Variants in ITGA9 observed in about 807,000 individuals in gnomAD.
The protein encoded by ITGA9 is integrin subunit alpha 9, also known as integrin alpha-9.
In ITGA9, 56 loss-of-function variants were observed where a neutral mutation model predicts 127.8. That is an observed-to-expected ratio of 0.44 (90% CI 0.35 to 0.55). The LOEUF is 0.55. Ranked by LOEUF, ITGA9 falls within the 20% of genes least tolerant of loss-of-function variation. The probability of loss-of-function intolerance (pLI) is 0.00; values close to 1 mark genes in which losing one functional copy is unlikely to be tolerated. For synonymous variants in ITGA9, 508 were observed against 514.5 expected, an observed-to-expected ratio of 0.99 and a Z score of 0.17; for missense variants, 1,196 against 1,347.1, an observed-to-expected ratio of 0.89 and a Z score of 1.76.
Position 37,676,419 on chromosome 3 carries a change from G to A in ITGA9, c.1917-7446G>A, listed in dbSNP as rs190266571. ...AACTTCAGAGTTGTCCCACTCAATA[G>A]GCAAGGGAGCTGGGGTAATTATACA... On this transcript the variant is annotated intron_variant, in intron 17 of 27. Coordinates refer to ENST00000264741, the MANE Select transcript of ITGA9 (RefSeq NM_002207.3). 2.8e-4 allele frequency among the ~76,000 whole-genome samples: 43 copies of A among 152,304 alleles called. No homozygotes were observed. In the East Asian group the frequency reaches 7.9e-3, roughly 28 times the overall value.
chr3:37,492,875 T>C (rs1483200391), intron 4 of ITGA9, among the ~76,000 whole-genome samples: 1 of 152,260 alleles, frequency 6.6e-6, no homozygotes, highest in African/African-American at 2.4e-5. Flanking sequence ...TTTGCCGTTG[T>C]GCTATTTGAT....
chr3:37,512,312 C>A (rs1698940422), intron 8 of ITGA9, among the ~76,000 whole-genome samples: 1 of 150,772 alleles, frequency 6.6e-6, no homozygotes, highest in South Asian at 2.1e-4. Context: ...CTCCACCTCC[C>A]AGGTTCAAGC....
intron 9 of ITGA9, among the ~76,000 whole-genome samples, 153 bp downstream of exon 9, chr3:37,514,053 G>A (rs1363318985): frequency 6.6e-6 from 1 of 152,146 alleles, no homozygotes; most frequent in East Asian, 1.9e-4. Context: ...AAGCTCAATG[G>A]CCCATTAATG....
intron 18 of ITGA9, among the ~76,000 whole-genome samples, chr3:37,698,353 T>C (rs1559571097): frequency 6.6e-6 from 1 of 152,244 alleles, no homozygotes; most frequent in South Asian, 2.1e-4. Flanking sequence ...AGATCCCATT[T>C]GTCAATTTTG....
intron 23 of ITGA9, among the ~76,000 whole-genome samples, chr3:37,767,953 T>C (rs1306714284): frequency 6.6e-6 from 1 of 152,202 alleles, no homozygotes; most frequent in Non-Finnish European, 1.5e-5. Context: ...TTATTGCTGT[T>C]TCTCTGGCCT....
intron 20 of ITGA9, among the ~76,000 whole-genome samples, chr3:37,738,698 G>T (rs1696395686): frequency 1.3e-5 from 2 of 152,138 alleles, no homozygotes; most frequent in Admixed American, 1.3e-4. Flanking sequence ...CCATTGTTGG[G>T]CAGACCCATC....
rs539808724 is a variant in ITGA9, at chr3:37,513,990, C to T, written c.1035+90C>T. On this transcript the variant is annotated intron_variant, in intron 9 of 27. Coordinates refer to ENST00000264741, the MANE Select transcript of ITGA9 (RefSeq NM_002207.3). Reference sequence around the variant, plus strand: ...GGCCGAGCACCCCTCTGGGCCGGCACTGGGGGCAATGTTACCCAGAGGAGA... The same window carrying T: ...GGCCGAGCACCCCTCTGGGCCGGCATTGGGGGCAATGTTACCCAGAGGAGA... 2.3e-5 allele frequency: 35 copies of T among 1,494,540 alleles called. 1 individual carries two copies. In the South Asian group the frequency reaches 3.4e-4, roughly 15 times the overall value. 92.6% of individuals were successfully genotyped at this position (1,494,540 alleles called of 1,614,324 possible).
intron 15 of ITGA9, among the ~76,000 whole-genome samples, chr3:37,612,153 G>A (rs1325948011): frequency 6.6e-6 from 1 of 152,146 alleles, no homozygotes; most frequent in Non-Finnish European, 1.5e-5. Flanking sequence ...AAAACCAGAG[G>A]ATGGTCTCTC....
intron 18 of ITGA9, among the ~76,000 whole-genome samples, chr3:37,711,467 A>G (rs1422805601): frequency 6.6e-6 from 1 of 152,170 alleles, no homozygotes; most frequent in East Asian, 1.9e-4. Flanking sequence ...AGGGGAGGAG[A>G]ATCATAGCTC....
intron 18 of ITGA9, among the ~76,000 whole-genome samples, chr3:37,700,654 A>G (rs1700936859): frequency 6.6e-6 from 1 of 152,142 alleles, no homozygotes; most frequent in African/African-American, 2.4e-5. Context: ...CCGGCCTGGA[A>G]TGACTTTTTA....
At chr3:37,595,861 T>G (rs1381489512) in intron 15 of ITGA9, among the ~76,000 whole-genome samples, 2 of 152,188 alleles carry the variant, frequency 1.3e-5, no homozygotes, top group Non-Finnish European at 2.9e-5. Flanking sequence ...CCTCTGTGCC[T>G]AGGCCCGAGA....
Position 37,629,658 on chromosome 3 carries a change from A to G in ITGA9, c.1839+322A>G. ...TTCCTAGACTGTTTTCAGAGCTTAG[A>G]TTGGTGGATAGTAGGTGCTTAATGA... On this transcript the variant is annotated intron_variant, in intron 16 of 27. Coordinates refer to ENST00000264741, the MANE Select transcript of ITGA9 (RefSeq NM_002207.3). The surrounding 1 kb of genome is among the most constrained non-coding windows in gnomAD (Gnocchi z 4.5). The G allele has an allele frequency of 3.4e-6, 2 of 584,276 alleles. No homozygotes were observed. The highest frequency in any genetic ancestry group is 6.1e-6 in the Non-Finnish European group (2 of 328,024). 36.2% of individuals were successfully genotyped at this position (584,276 alleles called of 1,614,324 possible). A position where few individuals can be genotyped will look rare whatever the true frequency, so the allele number is the denominator to read the frequency against.
At chr3:37,518,094 G>A (rs1303829362) in intron 10 of ITGA9, among the ~76,000 whole-genome samples, 1 of 27,954 alleles carries the variant, frequency 3.6e-5, no homozygotes, top group Non-Finnish European at 6.7e-5. Context: ...GAGTGTACGC[G>A]TGTGTGTGTG....
intron 21 of ITGA9, among the ~76,000 whole-genome samples, chr3:37,743,299 G>T (rs1056378896): frequency 1.3e-5 from 2 of 152,160 alleles, no homozygotes; most frequent in African/African-American, 4.8e-5. Flanking sequence ...TATTTGTCTG[G>T]GAGTGTCAGT....
chr3:37,762,514 A>C (rs1355589982), intron 23 of ITGA9, among the ~76,000 whole-genome samples: 1 of 152,178 alleles, frequency 6.6e-6, no homozygotes, highest in Non-Finnish European at 1.5e-5. Context: ...ACTCCTAGAG[A>C]GAATAGATGG....
intron 15 of ITGA9, among the ~76,000 whole-genome samples, chr3:37,589,702 C>T (rs1380580364): frequency 6.6e-6 from 1 of 152,102 alleles, no homozygotes. Context: ...GGTGCAAAGG[C>T]CCTGAGGCAG....
Position 37,782,288 on chromosome 3 carries a change from A to G in ITGA9, c.2787+2267A>G, listed in dbSNP as rs187502186. ...TGTAAGCCACTCTGATGTTTCCTTT[A>G]TCCTCAACCCAGATGGCTGCTGCTT... On this transcript the variant is annotated intron_variant, in intron 25 of 27. Coordinates refer to ENST00000264741, the MANE Select transcript of ITGA9 (RefSeq NM_002207.3). 3.7e-4 allele frequency among the ~76,000 whole-genome samples: 56 copies of G among 152,336 alleles called. 2 individuals carry two copies. The highest frequency in any genetic ancestry group is 1.1e-3 in the African/African-American group (46 of 41,562).
intron 26 of ITGA9, among the ~76,000 whole-genome samples, chr3:37,787,355 T>C (rs1697054009): frequency 6.6e-6 from 1 of 152,160 alleles, no homozygotes; most frequent in Non-Finnish European, 1.5e-5. Flanking sequence ...AGGAAAATGT[T>C]GCTTAACATC....
intron 17 of ITGA9, among the ~76,000 whole-genome samples, chr3:37,657,223 G>A (rs1289878469): frequency 4.6e-5 from 7 of 152,238 alleles, no homozygotes; most frequent in Middle Eastern, 3.4e-3. Context: ...TTAGGGAGGA[G>A]TCCCTCTTGT....
Sources: allele counts gnomAD v4.1 joint callset (sites outside exome capture counted in the v4.1 genomes callset), GRCh38; gene constraint gnomAD v4.1.1; non-coding constraint Gnocchi (gnomAD v3.1); transcripts MANE v1.5; gene names NCBI Gene and HGNC (gene_info 2026-07-23, HGNC 2026-07-21).